Variants in GABRA6 observed in about 807,000 individuals in gnomAD.
GABRA6 encodes the protein gamma-aminobutyric acid type A receptor subunit alpha6.
In GABRA6, 45 loss-of-function variants were observed where a neutral mutation model predicts 47.3. The ratio of observed to expected loss-of-function variants is 0.95; its 90% CI spans 0.75 to 1.22. The LOEUF is 1.22. Ranked by LOEUF, GABRA6 falls within the 50% of genes most tolerant of loss-of-function variation. GABRA6 has a pLI of 0.00. For synonymous variants in GABRA6, 219 were observed against 194.7 expected (o/e 1.12, Z -1.04); for missense variants, 583 against 549.3 (o/e 1.06, Z -0.61).
intron 8 of GABRA6, among the ~76,000 whole-genome samples, chr5:161,698,501 C>T (rs1354215000): frequency 1.3e-5 from 2 of 151,724 alleles, no homozygotes; most frequent in East Asian, 1.9e-4. Flanking sequence ...ATAGATATAG[C>T]TAAGATTCCT....
At chr5:161,689,916 T>C in intron 6 of GABRA6, 137 bp downstream of exon 6, 1 of 935,242 alleles carries the variant, frequency 1.1e-6, no homozygotes, top group Admixed American at 2.3e-5. Flanking sequence ...GTAGCTTTCC[T>C]TAAAACTGAT....
chr5:161,686,184 T>C (rs1002505258), intron 1 of GABRA6, 46 bp from the exon 2 acceptor site: 1 of 1,490,432 alleles, frequency 6.7e-7, no homozygotes. Flanking sequence ...AGACAAAACC[T>C]CTTCTCTGAG....
chr5:161,690,105 C>A, intron 6 of GABRA6, 96 bp from the exon 7 acceptor site: 2 of 1,158,442 alleles, frequency 1.7e-6, no homozygotes, highest in South Asian at 1.2e-5. Flanking sequence ...TTCTTCCAGT[C>A]AATGTTAATT....
At chr5:161,690,045 T>C (rs1754765718) in intron 6 of GABRA6, 156 bp from the exon 7 acceptor site, 1 of 744,084 alleles carries the variant, frequency 1.3e-6, no homozygotes, top group Non-Finnish European at 2.3e-6. Context: ...CGCTCTATCA[T>C]CTGCTGATCA....
At position 161,696,466 on chromosome 5, in the gene GABRA6, A is replaced by C. The variant is rs369845934; in HGVS notation, c.1086+4266A>C. ...AAGGACTGAATTAAGACCATTAAAGACTCTATGTGCCAGAAAGATCACAGT... is the reference window on the plus strand; with the variant it reads ...AAGGACTGAATTAAGACCATTAAAGCCTCTATGTGCCAGAAAGATCACAGT... On this transcript the variant is annotated intron_variant, in intron 8 of 8. Coordinates refer to ENST00000274545, the MANE Select transcript of GABRA6 (RefSeq NM_000811.3). 2.6e-5 allele frequency among the ~76,000 whole-genome samples: 4 copies of C among 151,220 alleles called. No homozygotes were observed. The East Asian group carries it at 5.8e-4, about 22-fold the overall frequency.
intron 8 of GABRA6, among the ~76,000 whole-genome samples, chr5:161,697,796 G>A (rs980927740): frequency 1.4e-4 from 22 of 152,136 alleles, no homozygotes; most frequent in Non-Finnish European, 2.4e-4. Flanking sequence ...TGTTAAGAGC[G>A]CGGTCTGTGG....
intron 8 of GABRA6, among the ~76,000 whole-genome samples, chr5:161,698,622 A>C (rs983803384): frequency 6.6e-6 from 1 of 152,064 alleles, no homozygotes; most frequent in Admixed American, 6.6e-5. Flanking sequence ...ACATAGGAAA[A>C]AAGTTACTTG....
chr5:161,686,634 A>C (rs1249764612), intron 2 of GABRA6, among the ~76,000 whole-genome samples: 1 of 152,210 alleles, frequency 6.6e-6, no homozygotes. Context: ...CATGTAAAAC[A>C]GTTTTATTAG....
At chr5:161,692,303 G>A (rs1754808462) in intron 8 of GABRA6, 103 bp downstream of exon 8, 1 of 1,379,788 alleles carries the variant, frequency 7.2e-7, no homozygotes, top group African/African-American at 1.4e-5. Context: ...GTTGAGCACA[G>A]GTTATATAAC....
Position 161,690,783 on chromosome 5 carries a change from C to T in GABRA6, c.826+430C>T, listed in dbSNP as rs113746964. Among the ~76,000 whole-genome samples, 38 of 152,232 alleles carry T rather than the reference C, an allele frequency of 2.5e-4. 1 individual carries two copies. The highest frequency in any genetic ancestry group is 9.1e-4 in the African/African-American group (38 of 41,534). On this transcript the variant is annotated intron_variant, in intron 7 of 8. Transcript: ENST00000274545. Reference sequence around the variant, plus strand: ...CGTCAATTTTTTATGATTCAACCTACATATTTAGTTCCACTTATAGATAGA... The same window carrying T: ...CGTCAATTTTTTATGATTCAACCTATATATTTAGTTCCACTTATAGATAGA...
At chr5:161,692,377 C>T (rs1219814425) in intron 8 of GABRA6, among the ~76,000 whole-genome samples, 177 bp downstream of exon 8, 1 of 152,110 alleles carries the variant, frequency 6.6e-6, no homozygotes, top group African/African-American at 2.4e-5. Context: ...TGGAACAATC[C>T]TTCATTTATC....
At chr5:161,693,558 C>T (rs886606021) in intron 8 of GABRA6, among the ~76,000 whole-genome samples, 3 of 152,030 alleles carry the variant, frequency 2.0e-5, no homozygotes, top group African/African-American at 7.2e-5. Context: ...CACCTGTCAT[C>T]CCAGCATTTT....
chr5:161,691,771 AATG>A (rs1754796238), intron 7 of GABRA6, among the ~76,000 whole-genome samples, 167 bp from the exon 8 acceptor site: 1 of 151,956 alleles, frequency 6.6e-6, no homozygotes, highest in Non-Finnish European at 1.5e-5. Flanking sequence ...AAGATTCAGA[AATG>A]ATAATACTTA....
At chr5:161,686,787 A>G (rs1754708867) in intron 2 of GABRA6, 149 bp from the exon 3 acceptor site, 1 of 721,624 alleles carries the variant, frequency 1.4e-6, no homozygotes, top group East Asian at 2.7e-5. Flanking sequence ...TTCAGAGTTG[A>G]GAGACCCAAG....
rs1391705197 is a variant in GABRA6, at chr5:161,689,663, A to G, written c.557A>G (p.Tyr186Cys). 6.2e-7 allele frequency: 1 copy of G among 1,609,632 alleles called. No individual in the cohort carries two copies. The highest frequency in any genetic ancestry group is 8.5e-7 in the Non-Finnish European group (1 of 1,176,046). The change falls in exon 6 of 9, where the codon TAT becomes TGT. Residue 186 changes from tyrosine to cysteine, a missense_variant. Coordinates refer to ENST00000274545, the MANE Select transcript of GABRA6 (RefSeq NM_000811.3). ...SYAYPKSEII[Y>C]TWKKGPLYSV... ...GCTTATCCCAAAAGTGAAATCATAT[A>G]TACGTGGAAAAAAGGACCACTTTAC...
intron 3 of GABRA6, among the ~76,000 whole-genome samples, chr5:161,688,483 A>G (rs1303365866): frequency 6.6e-6 from 1 of 152,188 alleles, no homozygotes; most frequent in African/African-American, 2.4e-5. Flanking sequence ...GTGTTTATCA[A>G]GTAAGGTTTA....
In GABRA6 at chr5:161,701,349, C is replaced by G. The variant is rs938380188; in HGVS notation, c.1087-149C>G. ...GCCTTACTTGGAAAAGTAACACCAA[C>G]AAATACTATTAAGAATTCATTGATG... is the stretch of plus-strand genomic sequence containing the variant. On this transcript the variant is annotated intron_variant, in intron 8 of 8. Transcript: ENST00000274545. The G allele has an allele frequency of 9.2e-5, 79 of 855,928 alleles. 2 individuals carry two copies. The South Asian group carries it at 1.1e-3, about 12-fold the overall frequency. The allele number at this position is 855,928 out of a possible 1,614,324, so 53.0% of individuals were successfully genotyped here.
chr5:161,687,474 C>A, intron 3 of GABRA6: 1 of 455,206 alleles, frequency 2.2e-6, no homozygotes, highest in Non-Finnish European at 4.4e-6. Flanking sequence ...ATGCTCTCCA[C>A]CTTTTACATT....
intron 8 of GABRA6, 69 bp from the exon 9 acceptor site, chr5:161,701,429 G>A: frequency 6.6e-7 from 1 of 1,510,316 alleles, no homozygotes; most frequent in South Asian, 1.1e-5. Flanking sequence ...TGGTGAAAGA[G>A]TGAATAAATA....
Sources: gnomAD v4.1 joint callset for allele counts (sites outside exome capture counted in the v4.1 genomes callset) on GRCh38, gnomAD v4.1.1 for gene constraint, MANE v1.5 for transcripts, NCBI Gene and HGNC (gene_info 2026-07-23, HGNC 2026-07-21) for gene names.